SYTL3: variants seen among roughly 807,000 people sequenced by gnomAD.
SYTL3 encodes the protein synaptotagmin like 3, also known as synaptotagmin-like protein 3.
Under a neutral mutation model 82.1 loss-of-function variants are expected in SYTL3, and 88 were observed. The observed-to-expected ratio is 1.07, with a 90% CI of 0.90 to 1.28. SYTL3 has a LOEUF of 1.28. Ranked by LOEUF, SYTL3 falls within the 50% of genes most tolerant of loss-of-function variation. The pLI is 0.00. For synonymous variants in SYTL3, 311 were observed against 289.4 expected, an observed-to-expected ratio of 1.07 and a Z score of -0.76; for missense variants, 831 against 757.6, an observed-to-expected ratio of 1.10 and a Z score of -1.14.
At chr6:158,763,768 T>C (rs1408678279) in intron 17 of SYTL3, among the ~76,000 whole-genome samples, 2 of 152,216 alleles carry the variant, frequency 1.3e-5, no homozygotes, top group Non-Finnish European at 2.9e-5. Context: ...AGGTACAGTA[T>C]TTGCTTTTGT....
intron 11 of SYTL3, among the ~76,000 whole-genome samples, chr6:158,727,952 G>A (rs1436274650): frequency 9.9e-5 from 15 of 152,164 alleles, no homozygotes; most frequent in Non-Finnish European, 2.9e-5. Context: ...ATAGAACTTG[G>A]AAGTGATATT....
At chr6:158,693,721 T>TTTCTTTCTTTCTTTCTTTCTTTC in intron 6 of SYTL3, among the ~76,000 whole-genome samples, 1 of 124,344 alleles carries the variant, frequency 8.0e-6, no homozygotes, top group African/African-American at 5.2e-5. Context: ...TTCTTTCTTT[T>TTTCTTTCTTTCTTTCTTTCTTTC]TGGTAGAGAC....
intron 6 of SYTL3, among the ~76,000 whole-genome samples, chr6:158,690,638 C>T (rs182554536): frequency 6.1e-4 from 92 of 152,048 alleles, no homozygotes; most frequent in African/African-American, 2.2e-3. Context: ...AAAAATGAGC[C>T]TCAGTTCTTC....
chr6:158,696,650 G>A (rs535078432), intron 6 of SYTL3, among the ~76,000 whole-genome samples: 1 of 151,994 alleles, frequency 6.6e-6, no homozygotes, highest in South Asian at 2.1e-4. Flanking sequence ...TTGGCCATTT[G>A]TACATCATCT....
intron 6 of SYTL3, among the ~76,000 whole-genome samples, chr6:158,704,514 G>T (rs1442500250): frequency 3.3e-5 from 5 of 152,288 alleles, no homozygotes; most frequent in African/African-American, 1.2e-4. Flanking sequence ...GCCCGTGGGG[G>T]ATAGCAGGAG....
At chr6:158,683,421 A>G (rs1778952010) in intron 6 of SYTL3, among the ~76,000 whole-genome samples, 1 of 151,890 alleles carries the variant, frequency 6.6e-6, no homozygotes, top group Non-Finnish European at 1.5e-5. Flanking sequence ...GGGTTTCACC[A>G]TGTTGGCCAG....
intron 12 of SYTL3, among the ~76,000 whole-genome samples, chr6:158,747,632 C>CT (rs958392817): frequency 2.0e-5 from 3 of 151,774 alleles, no homozygotes; most frequent in East Asian, 1.9e-4. Context: ...AAATTTGTAA[C>CT]TTTTTTTTTC....
chr6:158,733,606 C>G (rs151101266), intron 11 of SYTL3, among the ~76,000 whole-genome samples: 1 of 151,674 alleles, frequency 6.6e-6, no homozygotes, highest in Non-Finnish European at 1.5e-5. Context: ...GGATGACAGG[C>G]GTGAGCCACC....
At chr6:158,716,752 G>A (rs905997264) in intron 9 of SYTL3, among the ~76,000 whole-genome samples, 4 of 152,174 alleles carry the variant, frequency 2.6e-5, no homozygotes, top group Non-Finnish European at 5.9e-5. Flanking sequence ...AACATCCCAA[G>A]GAGGTGGATC....
intron 11 of SYTL3, among the ~76,000 whole-genome samples, chr6:158,734,895 T>TATGG (rs934954308): frequency 2.0e-5 from 3 of 152,186 alleles, no homozygotes; most frequent in African/African-American, 7.2e-5. Flanking sequence ...AAGATCTTGT[T>TATGG]ATGGAAGGTG....
Position 158,764,754 on chromosome 6 carries a change from A to AT in SYTL3, c.*152dup. ...GCCCTGTCCCATGGCTTAACCGCCT[A>AT]TTGGTATCTGTGTATATTTACGTTA... On this transcript the variant is annotated 3_prime_UTR_variant, in exon 18 of 18. Transcript: ENST00000611299. 3.4e-6 allele frequency: 2 copies of AT among 590,390 alleles called. No individual in the cohort carries two copies. The highest frequency in any genetic ancestry group is 6.1e-6 in the Non-Finnish European group (2 of 327,346). The allele number at this position is 590,390 out of a possible 1,614,324, so 36.6% of individuals were successfully genotyped here.
intron 2 of SYTL3, among the ~76,000 whole-genome samples, chr6:158,659,582 T>C (rs1455789017): frequency 3.3e-5 from 5 of 152,198 alleles, no homozygotes; most frequent in Non-Finnish European, 7.3e-5. Flanking sequence ...CTCCAACTCC[T>C]GACCTCAGTT....
rs1781219271 is a variant in SYTL3 at position 158,701,259 on chromosome 6, CTGGG to C, written c.395-5970_395-5967del. On this transcript the variant is annotated intron_variant, in intron 6 of 17. Coordinates refer to ENST00000611299, the MANE Select transcript of SYTL3 (RefSeq NM_001242394.2). Reference sequence around the variant, plus strand: ...TGGGGTGTAGATGAAGGAGTGTGAGCTGGGGTGTAGATGAAGGAGTGTGAGCTGG... The same window carrying C: ...TGGGGTGTAGATGAAGGAGTGTGAGCGTGTAGATGAAGGAGTGTGAGCTGG... 1.1e-3 allele frequency among the ~76,000 whole-genome samples: 6 copies of C among 5,488 alleles called. 1 individual carries two copies. Among genetic ancestry groups the C allele is most frequent in the African/African-American group, 6.8e-3 (5 of 730 alleles). The allele number at this position is 5,488 out of a possible 152,430, so 3.6% of individuals were successfully genotyped here. A position where few individuals can be genotyped will look rare whatever the true frequency, so the allele number is the denominator to read the frequency against.
Position 158,651,141 on chromosome 6 carries a change from G to T in SYTL3, c.-726-612G>T, listed in dbSNP as rs563362669. On this transcript the variant is annotated intron_variant, in intron 1 of 17. Transcript: ENST00000611299. ...CTCACTCTCCTCATCTGTAGAATGG[G>T]TACATTTACTTCATAATGTGGCAAT... is the stretch of plus-strand genomic sequence containing the variant. Among the ~76,000 whole-genome samples, 39 of 152,244 alleles carry T rather than the reference G, an allele frequency of 2.6e-4. No homozygotes were observed. The South Asian group carries it at 8.1e-3, about 32-fold the overall frequency.
intron 10 of SYTL3, among the ~76,000 whole-genome samples, chr6:158,724,824 G>C (rs1450996781): frequency 2.6e-5 from 4 of 152,172 alleles, no homozygotes; most frequent in African/African-American, 7.2e-5. Flanking sequence ...AGGTCAGCCT[G>C]ACCAACATGG....
At chr6:158,713,387 C>T (rs1782979499) in intron 8 of SYTL3, among the ~76,000 whole-genome samples, 1 of 152,078 alleles carries the variant, frequency 6.6e-6, no homozygotes, top group African/African-American at 2.4e-5. Flanking sequence ...ATCCCCTGTG[C>T]CACCCACATC....
chr6:158,712,600 T>C (rs1222942643), intron 8 of SYTL3, among the ~76,000 whole-genome samples: 2 of 152,194 alleles, frequency 1.3e-5, no homozygotes, highest in African/African-American at 4.8e-5. Context: ...ACTTCAGGGA[T>C]TTTAATCTTT....
chr6:158,720,427 C>T (rs1783971715), intron 10 of SYTL3, among the ~76,000 whole-genome samples: 1 of 105,458 alleles, frequency 9.5e-6, no homozygotes, highest in Non-Finnish European at 1.9e-5. Context: ...AAAAAAAAAG[C>T]CTGAGTTTTA....
rs548803532 is a variant in SYTL3, at chr6:158,763,560, T to C, written c.1723+51T>C. ...CGTTTATACTTTGTGATTATCCTAA[T>C]GGGTACCGTGCAAAGAAAATGCTTC... is the stretch of plus-strand genomic sequence containing the variant. On this transcript the variant is annotated intron_variant, in intron 17 of 17. Coordinates refer to ENST00000611299, the MANE Select transcript of SYTL3 (RefSeq NM_001242394.2). 3 of 1,503,476 alleles carry C rather than the reference T, an allele frequency of 2.0e-6. No individual in the cohort carries two copies. In the African/African-American group the frequency reaches 4.2e-5, roughly 21 times the overall value. 93.1% of individuals were successfully genotyped at this position (1,503,476 alleles called of 1,614,324 possible). A position where few individuals can be genotyped will look rare whatever the true frequency, so the allele number is the denominator to read the frequency against.
Sources: gnomAD v4.1 joint callset for allele counts (sites outside exome capture counted in the v4.1 genomes callset) on GRCh38, gnomAD v4.1.1 for gene constraint, MANE v1.5 for transcripts, NCBI Gene and HGNC (gene_info 2026-07-23, HGNC 2026-07-21) for gene names.